Variants in IL18R1 observed in about 807,000 individuals in gnomAD.
The protein encoded by IL18R1 is interleukin 18 receptor 1.
A neutral mutation model predicts 48.5 loss-of-function variants in IL18R1; 40 were observed. The ratio of observed to expected loss-of-function variants is 0.82; its 90% CI spans 0.64 to 1.07. IL18R1 has a LOEUF of 1.07. Ranked by LOEUF, IL18R1 falls within the 50% of genes least tolerant of loss-of-function variation. The probability of loss-of-function intolerance (pLI) is 0.00; values close to 1 mark genes in which losing one functional copy is unlikely to be tolerated. For synonymous variants in IL18R1, 232 were observed against 225.9 expected (o/e 1.03, Z -0.24); for missense variants, 596 against 633.7 (o/e 0.94, Z 0.64).
At chr2:102,362,493 G>T (rs1392639384) in intron 1 of IL18R1, 140 bp from the exon 2 acceptor site, 2 of 430,146 alleles carry the variant, frequency 4.6e-6, no homozygotes, top group Non-Finnish European at 8.3e-6. Flanking sequence ...TCTGAGAATT[G>T]GTTACTATAT....
chr2:102,390,992 G>A (rs1475940440), intron 9 of IL18R1, among the ~76,000 whole-genome samples: 1 of 150,178 alleles, frequency 6.7e-6, no homozygotes, highest in Non-Finnish European at 1.5e-5. Context: ...AAATGATCTG[G>A]AATCATGTCT....
chr2:102,375,965 A>C lies in IL18R1; in HGVS notation c.527A>C (p.Glu176Ala), dbSNP rs762984691. ...NKNPTIKKNAEFEDQGYYSCV... is the reference protein window; with the variant it reads ...NKNPTIKKNAAFEDQGYYSCV... ...AACCCAACGATAAAGAAGAACGCCG[A>C]GTTTGAAGATCAGGGGTATTACTCC... The change falls in exon 5 of 11, where the codon GAG becomes GCG. Residue 176 changes from glutamate to alanine, a missense_variant. By Grantham distance (107) the Glu-to-Ala change is moderately radical. Coordinates refer to ENST00000233957, the MANE Select transcript of IL18R1 (RefSeq NM_003855.5). 1 of 1,607,892 alleles carries C rather than the reference A, an allele frequency of 6.2e-7. No homozygotes were observed. Among genetic ancestry groups the C allele is most frequent in the African/African-American group, 1.3e-5 (1 of 74,664 alleles).
intron 7 of IL18R1, among the ~76,000 whole-genome samples, chr2:102,386,379 G>T (rs958776001): frequency 9.2e-5 from 14 of 152,354 alleles, no homozygotes; most frequent in Admixed American, 8.5e-4. Context: ...GTGCCTCGGG[G>T]TGCTTGAGAA....
At chr2:102,390,919 A>AGCAAGAC (rs1680529492) in intron 9 of IL18R1, among the ~76,000 whole-genome samples, 1 of 126,422 alleles carries the variant, frequency 7.9e-6, no homozygotes, top group African/African-American at 2.9e-5. Flanking sequence ...TGGGCGACAA[A>AGCAAGAC]GCAAGACTCC....
At chr2:102,389,053 T>C (rs1254509401) in intron 8 of IL18R1, among the ~76,000 whole-genome samples, 8 of 152,184 alleles carry the variant, frequency 5.3e-5, no homozygotes, top group Non-Finnish European at 8.8e-5. Context: ...TATATGCATA[T>C]ACATACAAGG....
Position 102,390,225 on chromosome 2 carries a change from A to C in IL18R1, c.1111+8A>C. ...GAGATGAAACATTAACAGGTAACAC[A>C]TATAATGCTGGAATTTCTTACCTTA... On this transcript the variant is annotated splice_region_variant and intron_variant, in intron 9 of 10. Coordinates refer to ENST00000233957, the MANE Select transcript of IL18R1 (RefSeq NM_003855.5). The C allele has an allele frequency of 6.2e-7, 1 of 1,611,704 alleles. No homozygotes were observed.
At chr2:102,388,306 C>A (rs1680359423) in intron 8 of IL18R1, among the ~76,000 whole-genome samples, 1 of 152,228 alleles carries the variant, frequency 6.6e-6, no homozygotes, top group Non-Finnish European at 1.5e-5. Flanking sequence ...CTGCCATGAT[C>A]TCATCCAGTC....
At chr2:102,388,040 G>T (rs1289771585) in intron 8 of IL18R1, among the ~76,000 whole-genome samples, 1 of 152,100 alleles carries the variant, frequency 6.6e-6, no homozygotes, top group East Asian at 1.9e-4. Context: ...CAGAGTAAGG[G>T]AGAGATACAC....
intron 6 of IL18R1, among the ~76,000 whole-genome samples, chr2:102,383,989 G>T (rs1680077132): frequency 6.6e-6 from 1 of 152,044 alleles, no homozygotes; most frequent in African/African-American, 2.4e-5. Context: ...CTGTGTCTTT[G>T]TATGTCTCTT....
chr2:102,362,668 G>A lies in IL18R1; in HGVS notation c.8G>A (p.Cys3Tyr). Reference protein sequence around the residue: MNCRELPLTLWVL... With the variant: MNYRELPLTLWVL... ...TGAAGCAGAATCCAAACCATGAATT[G>A]TAGAGAATTACCCTTGACCCTTTGG... is the stretch of plus-strand genomic sequence containing the variant. The change falls in exon 2 of 11, where the codon TGT (cysteine) becomes TAT (tyrosine). Residue 3 changes from cysteine to tyrosine, a missense_variant. Physicochemically the swap from Cys to Tyr is radical, Grantham distance 194. Transcript: ENST00000233957. The A allele has an allele frequency of 4.4e-6, 7 of 1,605,296 alleles. No individual in the cohort carries two copies. The Middle Eastern group carries it at 5.0e-4, about 114-fold the overall frequency.
chr2:102,389,337 T>C (rs1680429142), intron 8 of IL18R1, among the ~76,000 whole-genome samples: 1 of 152,344 alleles, frequency 6.6e-6, no homozygotes, highest in East Asian at 1.9e-4. Context: ...ACATTGTGAT[T>C]TGTTGTTAAA....
rs749211280 is a variant in IL18R1 at position 102,387,014 on chromosome 2, A to G, written c.949+14A>G. 19 of 1,607,556 alleles carry G rather than the reference A, an allele frequency of 1.2e-5. No individual in the cohort carries two copies. Among genetic ancestry groups the G allele is most frequent in the Non-Finnish European group, 1.5e-5 (18 of 1,178,386 alleles). ...TGGTGAGAAAAGGTGAGAAAGATTT[A>G]TTTTTGGAAGTTTTGAAACTTAGCT... On this transcript the variant is annotated intron_variant, in intron 8 of 10. Transcript: ENST00000233957.
chr2:102,384,989 T>A lies in IL18R1; in HGVS notation c.800T>A (p.Met267Lys). 2.6e-6 allele frequency: 4 copies of A among 1,545,294 alleles called. No individual in the cohort carries two copies. The highest frequency in any genetic ancestry group is 3.6e-6 in the Non-Finnish European group (4 of 1,118,702). ...SDPNIHEEKE[M>K]RIMTPEGKWH... ...CCTAATATACATGAAGAGAAAGAAA[T>A]GAGAATTATGTATGTATGTGTAATA... The change falls in exon 7 of 11, where the codon ATG becomes AAG. Residue 267 changes from methionine to lysine, a missense_variant. Transcript: ENST00000233957.
chr2:102,371,090 C>G lies in IL18R1; in HGVS notation c.303-863C>G, dbSNP rs146182905. 6.6e-3 allele frequency among the ~76,000 whole-genome samples: 1,001 copies of G among 151,016 alleles called. 12 individuals are homozygous for G. Among genetic ancestry groups the G allele is most frequent in the African/African-American group, 0.023 (953 of 41,044 alleles). ...TGTTTTTTTGAGATGGAATTTCGCT[C>G]TTGTTACCCAGGCTGGAGTGCAATG... On this transcript the variant is annotated intron_variant, in intron 3 of 10. Transcript: ENST00000233957.
At chr2:102,394,761 G>T (rs1482269468) in intron 10 of IL18R1, 134 bp downstream of exon 10, 10 of 608,216 alleles carry the variant, frequency 1.6e-5, no homozygotes, top group Non-Finnish European at 1.9e-5. Context: ...AAATAACCAC[G>T]TAAGTCAACA....
intron 10 of IL18R1, among the ~76,000 whole-genome samples, chr2:102,395,448 T>C (rs893188484): frequency 2.0e-5 from 3 of 152,028 alleles, no homozygotes; most frequent in Non-Finnish European, 2.9e-5. Flanking sequence ...ATCAAAGATA[T>C]AACAGTGAGA....
chr2:102,362,620 T>A lies in IL18R1; in HGVS notation c.-28-13T>A. 6.4e-7 allele frequency: 1 copy of A among 1,571,308 alleles called. No individual in the cohort carries two copies. Among genetic ancestry groups the A allele is most frequent in the Non-Finnish European group, 8.6e-7 (1 of 1,156,506 alleles). On this transcript the variant is annotated splice_polypyrimidine_tract_variant and intron_variant, in intron 1 of 10. Coordinates refer to ENST00000233957, the MANE Select transcript of IL18R1 (RefSeq NM_003855.5). The stretch of plus-strand genomic sequence containing the variant: ...GAAAGCTTTGGCTGAATCTGTTTTA[T>A]TCTGTTTTCCAGAGAAGCCATTTGA...
intron 9 of IL18R1, 74 bp from the exon 10 acceptor site, chr2:102,394,395 G>A (rs558179150): frequency 2.4e-4 from 290 of 1,221,218 alleles, no homozygotes; most frequent in Non-Finnish European, 3.2e-4. Flanking sequence ...CATTACTTAC[G>A]ACATTCACTT....
At chr2:102,379,704 A>G (rs1373847961) in intron 5 of IL18R1, among the ~76,000 whole-genome samples, 2 of 152,204 alleles carry the variant, frequency 1.3e-5, no homozygotes, top group Admixed American at 6.5e-5. Flanking sequence ...GTCAGACCAA[A>G]GAAGGCCAAA....
Sources: gnomAD v4.1 joint callset for allele counts (sites outside exome capture counted in the v4.1 genomes callset) on GRCh38, gnomAD v4.1.1 for gene constraint, MANE v1.5 for transcripts, NCBI Gene and HGNC (gene_info 2026-07-23, HGNC 2026-07-21) for gene names.